Variants in SHANK2 observed in about 807,000 individuals in gnomAD.
SHANK2 encodes the protein SH3 and multiple ankyrin repeat domains 2.
Under a neutral mutation model 133.7 loss-of-function variants are expected in SHANK2, and 43 were observed. The ratio of observed to expected loss-of-function variants is 0.32; its 90% CI spans 0.25 to 0.41. The LOEUF (loss-of-function observed/expected upper bound fraction) is 0.41. Ranked by LOEUF, SHANK2 falls within the 10% of genes least tolerant of loss-of-function variation. SHANK2 has a pLI of 1.00. For missense variants in SHANK2, 1,994 were observed against 2,235.8 expected (o/e 0.89, Z 2.18); for synonymous variants, 1,017 against 952.8 (o/e 1.07, Z -1.24).
chr11:71,213,471 C>T (rs1283103161), intron 2 of SHANK2, among the ~76,000 whole-genome samples: 1 of 152,190 alleles, frequency 6.6e-6, no homozygotes, highest in Non-Finnish European at 1.5e-5. Flanking sequence ...AGGTTTTTAA[C>T]TCAAAGTCCA....
chr11:70,740,534 T>TC (rs1176953395), intron 14 of SHANK2, among the ~76,000 whole-genome samples: 1 of 152,156 alleles, frequency 6.6e-6, no homozygotes, highest in Non-Finnish European at 1.5e-5. Context: ...TGAAGCGCCC[T>TC]CATCCCCTGG....
chr11:70,514,966 C>T (rs2059246974), intron 17 of SHANK2, among the ~76,000 whole-genome samples: 2 of 152,182 alleles, frequency 1.3e-5, no homozygotes. Context: ...CGTACACTTT[C>T]AATACAAAGA....
intron 14 of SHANK2, among the ~76,000 whole-genome samples, chr11:70,735,415 T>C (rs1306753793): frequency 6.6e-6 from 1 of 151,946 alleles, no homozygotes; most frequent in Non-Finnish European, 1.5e-5. Context: ...TGATAGAAAA[T>C]GTGCAGAGGG....
intron 14 of SHANK2, among the ~76,000 whole-genome samples, chr11:70,758,761 T>TGGCC (rs1946926163): frequency 6.6e-6 from 1 of 152,224 alleles, no homozygotes; most frequent in Admixed American, 6.5e-5. Context: ...CCCTGGCTTG[T>TGGCC]GGCCGTATCC....
intron 17 of SHANK2, among the ~76,000 whole-genome samples, chr11:70,544,114 C>T (rs1238022044): frequency 6.6e-6 from 1 of 152,182 alleles, no homozygotes; most frequent in Non-Finnish European, 1.5e-5. Context: ...AGTCAGGAAA[C>T]AGCCTATTTG....
chr11:70,591,269 T>C lies in SHANK2; in HGVS notation c.2061+68559A>G, dbSNP rs545183177. ...AGGGAGATTGAGGCAGGAGAATCGC[T>C]TGAATCTGGGAGGCAGAGGTTGCAG... is the stretch of plus-strand genomic sequence containing the variant. On this transcript the variant is annotated intron_variant, in intron 17 of 25. Transcript: ENST00000601538. 1.8e-3 allele frequency among the ~76,000 whole-genome samples: 271 copies of C among 151,876 alleles called. 1 individual carries two copies. Among genetic ancestry groups the C allele is most frequent in the African/African-American group, 6.5e-3 (270 of 41,394 alleles).
chr11:70,864,170 T>A (rs1949310154), intron 11 of SHANK2: 1 of 206,862 alleles, frequency 4.8e-6, no homozygotes, highest in Non-Finnish European at 9.9e-6. Context: ...AAGGGGCCCA[T>A]CATTTGGAAA....
chr11:70,582,335 C>T (rs538686813), intron 17 of SHANK2, among the ~76,000 whole-genome samples: 32 of 152,326 alleles, frequency 2.1e-4, no homozygotes, highest in Admixed American at 2.0e-4. Context: ...CCGTGGAGGC[C>T]GCCAGCCCCG....
intron 10 of SHANK2, among the ~76,000 whole-genome samples, chr11:71,055,860 T>C (rs1950911949): frequency 6.7e-6 from 1 of 149,798 alleles, no homozygotes; most frequent in Non-Finnish European, 1.5e-5. Context: ...CAAAGCTAAG[T>C]TCTTAGCTAG....
intron 11 of SHANK2, among the ~76,000 whole-genome samples, chr11:70,832,609 T>A (rs1169404847): frequency 1.3e-5 from 2 of 152,152 alleles, no homozygotes; most frequent in Non-Finnish European, 2.9e-5. Context: ...GTCCTAGCTT[T>A]TTTTCTGAGT....
Position 70,510,019 on chromosome 11 carries a change from C to T in SHANK2, c.2062-7088G>A, listed in dbSNP as rs551923040. On this transcript the variant is annotated intron_variant, in intron 17 of 25. Transcript: ENST00000601538. ...CCAGGAGCCTGGCCACAGCTGTTTC[C>T]GTCTCCCATCCCCTGCAATTACATA... Among the ~76,000 whole-genome samples, 23 of 152,326 alleles carry T rather than the reference C, an allele frequency of 1.5e-4. No individual in the cohort carries two copies. In the East Asian group the frequency reaches 3.7e-3, roughly 24 times the overall value.
chr11:70,696,195 C>A (rs540262586), intron 15 of SHANK2, among the ~76,000 whole-genome samples: 2 of 152,180 alleles, frequency 1.3e-5, no homozygotes, highest in African/African-American at 2.4e-5. Context: ...CCTGAGGCAG[C>A]CTGAACAGCC....
At chr11:71,154,968 C>A (rs111796834) in intron 2 of SHANK2, among the ~76,000 whole-genome samples, 1 of 121,530 alleles carries the variant, frequency 8.2e-6, no homozygotes, top group Non-Finnish European at 1.7e-5. Context: ...CCCCCGCCCA[C>A]GCTCCCAGAA....
At chr11:70,707,508 C>T (rs1297791030) in intron 14 of SHANK2, among the ~76,000 whole-genome samples, 1 of 151,890 alleles carries the variant, frequency 6.6e-6, no homozygotes, top group African/African-American at 2.4e-5. Flanking sequence ...ATGAGACACA[C>T]GTGGACAGAC....
chr11:71,144,737 G>T (rs1431925003), intron 3 of SHANK2, among the ~76,000 whole-genome samples: 1 of 152,170 alleles, frequency 6.6e-6, no homozygotes, highest in East Asian at 1.9e-4. Flanking sequence ...TACCTTCACA[G>T]ATTTAGCTGG....
In SHANK2 at chr11:70,734,027, G is replaced by C. The variant is rs566960915; in HGVS notation, c.1778-35264C>G. On this transcript the variant is annotated intron_variant, in intron 14 of 25. Coordinates refer to ENST00000601538, the MANE Select transcript of SHANK2 (RefSeq NM_012309.5). ...ACACACTCATGGAAGACAGGGGAGG[G>C]TGTGCAGTGACTGGGGAGAGGGGAA... Among the ~76,000 whole-genome samples the C allele has an allele frequency of 6.6e-5, 10 of 152,288 alleles. No homozygotes were observed. The East Asian group carries it at 1.7e-3, about 27-fold the overall frequency.
At chr11:70,575,867 C>T (rs573813288) in intron 17 of SHANK2, among the ~76,000 whole-genome samples, 147 of 151,766 alleles carry the variant, frequency 9.7e-4, no homozygotes, top group Non-Finnish European at 7.8e-4. Context: ...TGAGGTTCCT[C>T]GGAGCTAGGC....
In SHANK2 at chr11:71,188,819, G is replaced by A. The variant is rs192317203; in HGVS notation, c.-13+35878C>T. 9.1e-4 allele frequency among the ~76,000 whole-genome samples: 138 copies of A among 152,284 alleles called. No homozygotes were observed. Among genetic ancestry groups the A allele is most frequent in the African/African-American group, 3.2e-3 (133 of 41,558 alleles). The stretch of plus-strand genomic sequence containing the variant: ...CTCCAAATGGAGCTAAGGCCTACGT[G>A]GTTTCTCAGGGACCCTGACCTTCTC... On this transcript the variant is annotated intron_variant, in intron 2 of 25. Transcript: ENST00000601538. The surrounding 1 kb of genome is among the most constrained non-coding windows in gnomAD (Gnocchi z 4.6).
intron 17 of SHANK2, among the ~76,000 whole-genome samples, chr11:70,624,747 T>C (rs1454462146): frequency 6.6e-6 from 1 of 152,132 alleles, no homozygotes; most frequent in Non-Finnish European, 1.5e-5. Context: ...CCCCACAGTG[T>C]GCAGGAGGGG....
Sources: gnomAD v4.1 joint callset for allele counts (sites outside exome capture counted in the v4.1 genomes callset) on GRCh38, gnomAD v4.1.1 for gene constraint, Gnocchi (gnomAD v3.1) non-coding constraint, MANE v1.5 for transcripts, NCBI Gene and HGNC (gene_info 2026-07-23, HGNC 2026-07-21) for gene names.